The following ANKRD40 variants were observed in gnomAD, a reference collection of about 807,000 sequenced individuals.
ANKRD40 encodes the protein ankyrin repeat domain 40, also known as ankyrin repeat domain-containing protein 40.
ANKRD40 carries 24 observed loss-of-function variants against 35.5 expected under a neutral mutation model. The ratio of observed to expected loss-of-function variants is 0.68; its 90% CI spans 0.49 to 0.95. The LOEUF is 0.95. Ranked by LOEUF, ANKRD40 falls within the 40% of genes least tolerant of loss-of-function variation. ANKRD40 has a pLI of 0.00. For synonymous variants in ANKRD40, 147 were observed against 173.5 expected (o/e 0.85, Z 1.20); for missense variants, 361 against 436.0 (o/e 0.83, Z 1.53).
chr17:50,695,897 G>A lies in ANKRD40; in HGVS notation c.*100C>T. 1 of 1,409,168 alleles carries A rather than the reference G, an allele frequency of 7.1e-7. No homozygotes were observed. Among genetic ancestry groups the A allele is most frequent in the Non-Finnish European group, 9.8e-7 (1 of 1,024,558 alleles). 87.3% of individuals were successfully genotyped at this position (1,409,168 alleles called of 1,614,324 possible). On this transcript the variant is annotated 3_prime_UTR_variant, in exon 5 of 5. Coordinates refer to ENST00000285243, the MANE Select transcript of ANKRD40 (RefSeq NM_052855.4). ...GTATATACTATGCAGTGGCACCAGA[G>A]GCCCTCCCGGGCATCTGAGGCATTT...
chr17:50,699,664 CAG>C lies in ANKRD40; in HGVS notation c.511_512del (p.Leu171ValfsTer18). 1.2e-6 allele frequency: 2 copies of C among 1,614,182 alleles called. No individual in the cohort carries two copies. The highest frequency in any genetic ancestry group is 1.7e-6 in the Non-Finnish European group (2 of 1,180,034). ...TGTGGTCCCGGGGAAAGGTCCCTAA[CAG>C]GGGAGGTTCCCCAGGGGGAAGCAAT... ...PPLLPPGEPP[L>X]LGTFPRDHTS... On this transcript the variant is annotated frameshift_variant, in exon 3 of 5. Coordinates refer to ENST00000285243, the MANE Select transcript of ANKRD40 (RefSeq NM_052855.4). LOFTEE classifies it high-confidence loss of function.
chr17:50,707,502 T>TC lies in ANKRD40; in HGVS notation c.134+18dup. On this transcript the variant is annotated intron_variant, in intron 1 of 4. Coordinates refer to ENST00000285243, the MANE Select transcript of ANKRD40 (RefSeq NM_052855.4). The surrounding 1 kb of genome is among the most constrained non-coding windows in gnomAD (Gnocchi z 4.8). ...CGACCGGCTGCCCTGACCCTAGGCCTCCCCCGCTCCCCACTTACCAGCCGT... is the reference window on the plus strand; with the variant it reads ...CGACCGGCTGCCCTGACCCTAGGCCTCCCCCCGCTCCCCACTTACCAGCCGT... The TC allele has an allele frequency of 6.2e-7, 1 of 1,600,730 alleles. No individual in the cohort carries two copies. Among genetic ancestry groups the TC allele is most frequent in the South Asian group, 1.1e-5 (1 of 90,442 alleles).
chr17:50,699,289 C>T, intron 3 of ANKRD40, 110 bp downstream of exon 3: 1 of 1,405,508 alleles, frequency 7.1e-7, no homozygotes, highest in Non-Finnish European at 9.7e-7. Context: ...TTATGTTAGT[C>T]ATGTAACGTT....
intron 4 of ANKRD40, 173 bp downstream of exon 4, chr17:50,696,767 A>AG (rs1968205029): frequency 1.8e-6 from 1 of 541,422 alleles, no homozygotes; most frequent in African/African-American, 2.0e-5. Context: ...AAAAAAAAAA[A>AG]AAAAGCCAGT....
In ANKRD40 at chr17:50,697,086, G is replaced by T; in HGVS notation, c.814C>A (p.Leu272Ile). Residue 272 changes from leucine to isoleucine, a missense_variant, in exon 4 of 5, where the codon CTT becomes ATT. Physicochemically the swap from Leu to Ile is conservative, Grantham distance 5. Coordinates refer to ENST00000285243, the MANE Select transcript of ANKRD40 (RefSeq NM_052855.4). ...VLKVRIQNPS[L>I]RENDFIEIEL... ...ATTTCAATGAAATCATTTTCTCGAA[G>T]AGATGGGTTCTGAATTCTCACCTTG... 1 of 1,613,664 alleles carries T rather than the reference G, an allele frequency of 6.2e-7. No individual in the cohort carries two copies. The highest frequency in any genetic ancestry group is 8.5e-7 in the Non-Finnish European group (1 of 1,179,862).
Position 50,697,110 on chromosome 17 carries a change from T to C in ANKRD40, c.790A>G (p.Lys264Glu). The change falls in exon 4 of 5, where the codon AAG becomes GAG. Residue 264 changes from lysine to glutamate, a missense_variant. Around this residue, in one of 5 missense-constraint regions of ANKRD40, gnomAD observed 93 missense variants for 129.6 expected, o/e 0.72. Coordinates refer to ENST00000285243, the MANE Select transcript of ANKRD40 (RefSeq NM_052855.4). ...FPFNMQELVL[K>E]VRIQNPSLRE... The stretch of plus-strand genomic sequence containing the variant: ...AGAGATGGGTTCTGAATTCTCACCT[T>C]GAGTACCAGCTCTAGAAAAAAAAGG... The C allele has an allele frequency of 3.7e-6, 6 of 1,612,398 alleles. No individual in the cohort carries two copies. The highest frequency in any genetic ancestry group is 5.1e-6 in the Non-Finnish European group (6 of 1,179,410).
rs1211048705 is a variant in ANKRD40, at chr17:50,694,222, A to T, written c.*1775T>A. Reference sequence around the variant, plus strand: ...AAGTAACCTTCACTCTGCTATGCAAACACTGTACAAGGGTGAGTAAGTCAC... The same window carrying T: ...AAGTAACCTTCACTCTGCTATGCAATCACTGTACAAGGGTGAGTAAGTCAC... On this transcript the variant is annotated 3_prime_UTR_variant, in exon 5 of 5. Coordinates refer to ENST00000285243, the MANE Select transcript of ANKRD40 (RefSeq NM_052855.4). 1 of 152,126 alleles carries T rather than the reference A, an allele frequency of 6.6e-6. No individual in the cohort carries two copies. 9.4% of individuals were successfully genotyped at this position (152,126 alleles called of 1,614,324 possible).
intron 4 of ANKRD40, 98 bp from the exon 5 acceptor site, chr17:50,696,241 CT>C: frequency 7.4e-7 from 1 of 1,351,620 alleles, no homozygotes; most frequent in Non-Finnish European, 9.9e-7. Flanking sequence ...ATTTCAAAAC[CT>C]AGAAGAAAAA....
At position 50,707,692 on chromosome 17, in the gene ANKRD40, C is replaced by T. The variant is rs754100699; in HGVS notation, c.-38G>A. On this transcript the variant is annotated 5_prime_UTR_variant, in exon 1 of 5. Transcript: ENST00000285243. This position sits in a 1 kb window ranked among gnomAD's most constrained non-coding sequence, Gnocchi z 4.8. The stretch of plus-strand genomic sequence containing the variant: ...CCAGGCCCCCGCCCAGGCCCGCCTG[C>T]CCCGCCCCGCCCGGGGCCTGTCAGC... 5.3e-6 allele frequency: 7 copies of T among 1,330,048 alleles called. No homozygotes were observed. The East Asian group carries it at 1.3e-4, about 24-fold the overall frequency. The allele number at this position is 1,330,048 out of a possible 1,614,324, so 82.4% of individuals were successfully genotyped here.
intron 3 of ANKRD40, among the ~76,000 whole-genome samples, chr17:50,697,585 G>A (rs1007862058): frequency 3.9e-5 from 6 of 152,118 alleles, no homozygotes; most frequent in Admixed American, 6.5e-5. Context: ...GAAACTCCTT[G>A]CAAAAAAGAC....
chr17:50,704,342 C>T (rs1178952649), intron 1 of ANKRD40, among the ~76,000 whole-genome samples: 1 of 151,898 alleles, frequency 6.6e-6, no homozygotes, highest in African/African-American at 2.4e-5. Flanking sequence ...TGGTGAAACC[C>T]CATTTCTACT....
chr17:50,696,647 T>C, intron 4 of ANKRD40: 1 of 275,932 alleles, frequency 3.6e-6, no homozygotes, highest in Non-Finnish European at 6.7e-6. Context: ...CCAGTGTGGC[T>C]GGTCTGAATG....
In ANKRD40 at chr17:50,700,445, G is replaced by GGA. The variant is rs1968257323; in HGVS notation, c.283+122_283+123insTC. On this transcript the variant is annotated intron_variant, in intron 2 of 4. Coordinates refer to ENST00000285243, the MANE Select transcript of ANKRD40 (RefSeq NM_052855.4). The stretch of plus-strand genomic sequence containing the variant: ...GCAACAAGAGCTAAACTCCGTCTCG[G>GGA]AAAAAAAAAAAAAAAGAAAGAAATA... 8.8e-4 allele frequency: 706 copies of GGA among 798,038 alleles called. 1 individual carries two copies. The highest frequency in any genetic ancestry group is 1.3e-3 in the Middle Eastern group (4 of 3,168). 49.4% of individuals were successfully genotyped at this position (798,038 alleles called of 1,614,324 possible).
intron 3 of ANKRD40, 88 bp from the exon 4 acceptor site, chr17:50,697,209 T>C: frequency 7.9e-7 from 1 of 1,263,516 alleles, no homozygotes; most frequent in Non-Finnish European, 1.1e-6. Flanking sequence ...ATGGTTATAC[T>C]TAATCATGCC....
At position 50,694,897 on chromosome 17, in the gene ANKRD40, A is replaced by G. The variant is rs563137828; in HGVS notation, c.*1100T>C. On this transcript the variant is annotated 3_prime_UTR_variant, in exon 5 of 5. Transcript: ENST00000285243. ...CTTTATTTTTGATACAAAAATAAAGATGCTAACTCCTTTAGCTCAGTTTCC... is the reference window on the plus strand; with the variant it reads ...CTTTATTTTTGATACAAAAATAAAGGTGCTAACTCCTTTAGCTCAGTTTCC... 1 of 152,354 alleles carries G rather than the reference A, an allele frequency of 6.6e-6. No homozygotes were observed. Among genetic ancestry groups the G allele is most frequent in the Non-Finnish European group, 1.5e-5 (1 of 68,034 alleles). The allele number at this position is 152,354 out of a possible 1,614,324, so 9.4% of individuals were successfully genotyped here.
In ANKRD40 at chr17:50,707,638, T is replaced by C; in HGVS notation, c.17A>G (p.Glu6Gly). Residue 6 changes from glutamate to glycine, a missense_variant, in exon 1 of 5, where the codon GAG becomes GGG. By Grantham distance (98) the Glu-to-Gly change is moderately conservative (BLOSUM62 -2). This residue lies in a region of ANKRD40 where 56 missense variants were observed against 47.1 expected (regional missense o/e 1.19). Transcript: ENST00000285243. The surrounding 1 kb of genome is among the most constrained non-coding windows in gnomAD (Gnocchi z 4.8). ...CAGCCTCTCCTGCTGCTCCTTCTGC[T>C]CTAGGAGGGCGTTCATCTTCCCACA... MNALL[E>G]QKEQQERLRE... 6.4e-7 allele frequency: 1 copy of C among 1,574,754 alleles called. No individual in the cohort carries two copies. Among genetic ancestry groups the C allele is most frequent in the East Asian group, 2.5e-5 (1 of 39,518 alleles).
chr17:50,700,464 A>AT, intron 2 of ANKRD40, 104 bp downstream of exon 2: 16 of 1,165,882 alleles, frequency 1.4e-5, no homozygotes, highest in Middle Eastern at 2.1e-4. Flanking sequence ...AAAAAAAGAA[A>AT]GAAATAGAGC....
chr17:50,694,791 G>A lies in ANKRD40; in HGVS notation c.*1206C>T, dbSNP rs1968177134. The A allele has an allele frequency of 6.6e-6, 1 of 152,056 alleles. No individual in the cohort carries two copies. The highest frequency in any genetic ancestry group is 2.4e-5 in the African/African-American group (1 of 41,380). 9.4% of individuals were successfully genotyped at this position (152,056 alleles called of 1,614,324 possible). Reference sequence around the variant, plus strand: ...AAGTGAATTGGTGGTAGTAGTAGGGGGATCACTAAGATCAAACAATTTGTT... The same window carrying A: ...AAGTGAATTGGTGGTAGTAGTAGGGAGATCACTAAGATCAAACAATTTGTT... On this transcript the variant is annotated 3_prime_UTR_variant, in exon 5 of 5. Transcript: ENST00000285243.
chr17:50,695,908 G>A lies in ANKRD40; in HGVS notation c.*89C>T. The A allele has an allele frequency of 1.3e-6, 2 of 1,505,452 alleles. No individual in the cohort carries two copies. The highest frequency in any genetic ancestry group is 1.8e-6 in the Non-Finnish European group (2 of 1,106,700). The allele number at this position is 1,505,452 out of a possible 1,614,324, so 93.3% of individuals were successfully genotyped here. A position where few individuals can be genotyped will look rare whatever the true frequency, so the allele number is the denominator to read the frequency against. ...GCAGTGGCACCAGAGGCCCTCCCGGGCATCTGAGGCATTTAGATCAATGGC... is the reference window on the plus strand; with the variant it reads ...GCAGTGGCACCAGAGGCCCTCCCGGACATCTGAGGCATTTAGATCAATGGC... On this transcript the variant is annotated 3_prime_UTR_variant, in exon 5 of 5. Coordinates refer to ENST00000285243, the MANE Select transcript of ANKRD40 (RefSeq NM_052855.4).
Sources: gnomAD v4.1 joint callset for allele counts (sites outside exome capture counted in the v4.1 genomes callset) on GRCh38, gnomAD v4.1.1 for gene constraint, gnomAD v4.1.1 regional missense constraint, Gnocchi (gnomAD v3.1) non-coding constraint, MANE v1.5 for transcripts, NCBI Gene and HGNC (gene_info 2026-07-23, HGNC 2026-07-21) for gene names.